Variants in WDR7 observed in about 807,000 individuals in gnomAD.
WDR7 encodes the protein WD repeat domain 7.
In WDR7, 46 loss-of-function variants were observed where a neutral mutation model predicts 169.4. The ratio of observed to expected loss-of-function variants is 0.27; its 90% CI spans 0.21 to 0.35. The LOEUF is 0.35. WDR7 is among the 10% of genes least tolerant of loss of function. The pLI is 1.00. For synonymous variants in WDR7, 612 were observed against 666.8 expected (o/e 0.92, Z 1.27); for missense variants, 1,534 against 1,859.3 (o/e 0.83, Z 3.22).
Position 56,939,412 on chromosome 18 carries a change from G to T in WDR7, c.4064+19G>T. On this transcript the variant is annotated intron_variant, in intron 25 of 27. Transcript: ENST00000254442. ...TCTGCAGGTAAAGAAGCCTTCAAGA[G>T]CATGCAGAATAAATAATTTTCAGTA... 1 of 1,523,396 alleles carries T rather than the reference G, an allele frequency of 6.6e-7. No homozygotes were observed. The highest frequency in any genetic ancestry group is 8.8e-7 in the Non-Finnish European group (1 of 1,131,738). The allele number at this position is 1,523,396 out of a possible 1,614,324, so 94.4% of individuals were successfully genotyped here.
intron 12 of WDR7, among the ~76,000 whole-genome samples, chr18:56,700,820 C>T (rs1245471722): frequency 1.3e-5 from 2 of 152,000 alleles, no homozygotes; most frequent in African/African-American, 2.4e-5. Context: ...CCGCCCGCCT[C>T]GGCCTCCCAA....
intron 26 of WDR7, among the ~76,000 whole-genome samples, chr18:56,972,009 A>C (rs959623805): frequency 6.6e-6 from 1 of 152,226 alleles, no homozygotes; most frequent in Non-Finnish European, 1.5e-5. Context: ...ATATTAAATA[A>C]CTGAATGCTG....
chr18:56,938,728 A>G lies in WDR7; in HGVS notation c.3981+46A>G, dbSNP rs749894367. On this transcript the variant is annotated intron_variant, in intron 24 of 27. Coordinates refer to ENST00000254442, the MANE Select transcript of WDR7 (RefSeq NM_015285.3). ...ATGATCCATCAGCAACCTAAATTAA[A>G]TATTCTAATGAAGTAATATAAATCA... 4.4e-6 allele frequency: 7 copies of G among 1,602,962 alleles called. No individual in the cohort carries two copies. The African/African-American group carries it at 9.4e-5, about 22-fold the overall frequency.
chr18:56,743,491 C>T (rs1180504730), intron 14 of WDR7, among the ~76,000 whole-genome samples: 1 of 152,100 alleles, frequency 6.6e-6, no homozygotes, highest in African/African-American at 2.4e-5. Context: ...TCAAGAGTTT[C>T]AGGCAGAGTA....
intron 1 of WDR7, among the ~76,000 whole-genome samples, chr18:56,662,584 T>G (rs1293739541): frequency 6.6e-6 from 1 of 152,214 alleles, no homozygotes; most frequent in Non-Finnish European, 1.5e-5. Flanking sequence ...TGGTGCAGTG[T>G]GAAGTGTACA....
intron 22 of WDR7, among the ~76,000 whole-genome samples, chr18:56,934,771 T>A (rs2046935715): frequency 6.6e-6 from 1 of 152,188 alleles, no homozygotes; most frequent in Non-Finnish European, 1.5e-5. Flanking sequence ...ACAATCCAGT[T>A]TACATATAAA....
chr18:56,880,315 C>T (rs560475917), intron 21 of WDR7, 150 bp downstream of exon 21: 131 of 716,032 alleles, frequency 1.8e-4, no homozygotes, highest in African/African-American at 9.1e-4. Context: ...GCACATTTCC[C>T]GTTAGTTACA....
At position 56,696,266 on chromosome 18, in the gene WDR7, G is replaced by A. The variant is rs763674237; in HGVS notation, c.1382G>A (p.Arg461His). ...RRGWPPHRTL[R>H]GHRNKVTCLL... is the part of the protein sequence containing the mutation. ...GGTTGGCCACCTCACAGAACACTCC[G>A]TGGTCATCGGAACAAAGTCACATGT... Residue 461 changes from arginine to histidine, a missense_variant, in exon 12 of 28, where the codon CGT becomes CAT. Physicochemically the swap from Arg to His is conservative, Grantham distance 29. Coordinates refer to ENST00000254442, the MANE Select transcript of WDR7 (RefSeq NM_015285.3). The A allele has an allele frequency of 3.7e-6, 6 of 1,613,626 alleles. No homozygotes were observed. The highest frequency in any genetic ancestry group is 2.2e-5 in the South Asian group (2 of 91,014).
intron 19 of WDR7, among the ~76,000 whole-genome samples, chr18:56,785,547 A>T (rs1473508687): frequency 6.6e-6 from 1 of 152,188 alleles, no homozygotes; most frequent in East Asian, 1.9e-4. Flanking sequence ...TGAAAATCAG[A>T]AAACGCTCTT....
At position 56,756,628 on chromosome 18, in the gene WDR7, A is replaced by C. The variant is rs1204743532; in HGVS notation, c.2035A>C (p.Ile679Leu). 2 of 1,613,440 alleles carry C rather than the reference A, an allele frequency of 1.2e-6. No homozygotes were observed. The highest frequency in any genetic ancestry group is 2.2e-5 in the South Asian group (2 of 90,804). Reference sequence around the variant, plus strand: ...TCATAACTCCCTGATGGTTCAAGCAATAAAGACAAACCTAACAGACCCGGA... The same window carrying C: ...TCATAACTCCCTGATGGTTCAAGCACTAAAGACAAACCTAACAGACCCGGA... ...YSHNSLMVQA[I>L]KTNLTDPDIH... is the part of the protein sequence containing the mutation. The change falls in exon 15 of 28, where the codon ATA becomes CTA. Residue 679 changes from isoleucine to leucine, a missense_variant. Physicochemically the swap from Ile to Leu is conservative, Grantham distance 5. Coordinates refer to ENST00000254442, the MANE Select transcript of WDR7 (RefSeq NM_015285.3).
At chr18:56,814,938 C>G (rs1011993086) in intron 19 of WDR7, among the ~76,000 whole-genome samples, 1 of 152,054 alleles carries the variant, frequency 6.6e-6, no homozygotes, top group African/African-American at 2.4e-5. Context: ...GCGTTTTAGT[C>G]CACAAGTTTA....
At chr18:56,910,418 A>T (rs758687787) in intron 21 of WDR7, among the ~76,000 whole-genome samples, 159 of 152,202 alleles carry the variant, frequency 1.0e-3, no homozygotes, top group Non-Finnish European at 1.7e-3. Context: ...GGTACTCTCC[A>T]ATGTGGTCTT....
rs116151316 is a variant in WDR7, at chr18:56,982,158, A to C, written c.4164+19629A>C. Among the ~76,000 whole-genome samples the C allele has an allele frequency of 7.7e-3, 1,169 of 152,254 alleles. 13 individuals are homozygous for C. Among genetic ancestry groups the C allele is most frequent in the African/African-American group, 0.027 (1,114 of 41,548 alleles). On this transcript the variant is annotated intron_variant, in intron 26 of 27. Coordinates refer to ENST00000254442, the MANE Select transcript of WDR7 (RefSeq NM_015285.3). ...AAGGGACCATTGAGACAAACCTGAAATCCTAGGTTTGTGCCAAAAGCCCGT... is the reference window on the plus strand; with the variant it reads ...AAGGGACCATTGAGACAAACCTGAACTCCTAGGTTTGTGCCAAAAGCCCGT...
chr18:56,656,990 T>C (rs1361499920), intron 1 of WDR7, among the ~76,000 whole-genome samples: 1 of 152,202 alleles, frequency 6.6e-6, no homozygotes, highest in Non-Finnish European at 1.5e-5. Context: ...TTTTCATATA[T>C]TGATAATCTA....
At chr18:56,801,102 G>T (rs1296857916) in intron 19 of WDR7, among the ~76,000 whole-genome samples, 1 of 152,098 alleles carries the variant, frequency 6.6e-6, no homozygotes, top group East Asian at 1.9e-4. Flanking sequence ...ACTACAAAAA[G>T]ATTTAATCTT....
At chr18:56,685,399 G>A (rs926275747) in intron 5 of WDR7, among the ~76,000 whole-genome samples, 2 of 152,158 alleles carry the variant, frequency 1.3e-5, no homozygotes, top group African/African-American at 4.8e-5. Context: ...AGCCTACGTT[G>A]ACTGCTTTCC....
At chr18:56,966,569 C>G (rs2047412863) in intron 26 of WDR7, among the ~76,000 whole-genome samples, 1 of 152,040 alleles carries the variant, frequency 6.6e-6, no homozygotes. Context: ...TGGTTTGTGT[C>G]AACTTATTGG....
At chr18:56,678,413 C>T (rs1170024493) in intron 2 of WDR7, among the ~76,000 whole-genome samples, 1 of 152,066 alleles carries the variant, frequency 6.6e-6, no homozygotes, top group African/African-American at 2.4e-5. Flanking sequence ...ACCTGTCCTT[C>T]TTGGGAAGGC....
At chr18:56,866,228 T>C (rs891880628) in intron 20 of WDR7, among the ~76,000 whole-genome samples, 11 of 152,158 alleles carry the variant, frequency 7.2e-5, no homozygotes, top group Admixed American at 3.9e-4. Context: ...TGTAATCTCC[T>C]TTTTTCTCTA....
Sources: gnomAD v4.1 joint callset for allele counts (sites outside exome capture counted in the v4.1 genomes callset) on GRCh38, gnomAD v4.1.1 for gene constraint, MANE v1.5 for transcripts, NCBI Gene and HGNC (gene_info 2026-07-23, HGNC 2026-07-21) for gene names.